CEP192: variants seen among roughly 807,000 people sequenced by gnomAD.
CEP192 encodes centrosomal protein of 192 kDa.
A neutral mutation model predicts 271.8 loss-of-function variants in CEP192; 151 were observed. The observed-to-expected ratio is 0.56, with a 90% CI of 0.49 to 0.64. CEP192 has a LOEUF of 0.64. Among genes scored for constraint, CEP192 ranks in the 30% least tolerant of loss-of-function variants. The pLI, the probability that CEP192 is intolerant of heterozygous loss-of-function variation, is 0.00. For missense variants in CEP192, 2,910 were observed against 3,020.5 expected (o/e 0.96, Z 0.86); for synonymous variants, 995 against 1,076.5 (o/e 0.92, Z 1.48).
intron 5 of CEP192, among the ~76,000 whole-genome samples, chr18:13,013,570 G>A (rs1423620690): frequency 6.6e-6 from 1 of 152,156 alleles, no homozygotes; most frequent in Non-Finnish European, 1.5e-5. Context: ...GGGTGGGTTG[G>A]GATGAGCCTG....
chr18:13,078,653 A>G (rs2038420998), intron 30 of CEP192, among the ~76,000 whole-genome samples: 1 of 151,878 alleles, frequency 6.6e-6, no homozygotes, highest in Non-Finnish European at 1.5e-5. Flanking sequence ...TTGTTGTTAT[A>G]CTTTAAGTTC....
At chr18:13,078,022 G>A (rs902202320) in intron 30 of CEP192, among the ~76,000 whole-genome samples, 1 of 152,120 alleles carries the variant, frequency 6.6e-6, no homozygotes, top group Non-Finnish European at 1.5e-5. Context: ...TGCCATGGTG[G>A]TTTGCTGCAC....
intron 21 of CEP192, among the ~76,000 whole-genome samples, chr18:13,065,805 G>T (rs1231031169): frequency 6.6e-6 from 1 of 152,162 alleles, no homozygotes; most frequent in Non-Finnish European, 1.5e-5. Context: ...ATGAGATTCT[G>T]CAACAAACTG....
rs1486076411 is a variant in CEP192 at position 12,991,451 on chromosome 18, C to G, written c.-5+14C>G. On this transcript the variant is annotated intron_variant, in intron 1 of 44. Coordinates refer to ENST00000506447, the MANE Select transcript of CEP192 (RefSeq NM_032142.4). Reference sequence around the variant, plus strand: ...GACGCGGGCTCGGTGAGGGGGGACGCTGGTGCCTCGGCCTGCGCCTAGGCG... The same window carrying G: ...GACGCGGGCTCGGTGAGGGGGGACGGTGGTGCCTCGGCCTGCGCCTAGGCG... The G allele has an allele frequency of 6.5e-6, 1 of 152,958 alleles. No homozygotes were observed. The highest frequency in any genetic ancestry group is 2.4e-5 in the African/African-American group (1 of 41,484). The allele number at this position is 152,958 out of a possible 1,614,324, so 9.5% of individuals were successfully genotyped here. A position where few individuals can be genotyped will look rare whatever the true frequency, so the allele number is the denominator to read the frequency against.
At chr18:13,110,846 A>G (rs550916114) in intron 40 of CEP192, among the ~76,000 whole-genome samples, 1 of 152,324 alleles carries the variant, frequency 6.6e-6, no homozygotes, top group South Asian at 2.1e-4. Context: ...CTGATTTCCA[A>G]GGGCAGGAGG....
At chr18:13,037,107 A>G (rs1227834063) in intron 11 of CEP192, 130 bp from the exon 12 acceptor site, 1 of 580,518 alleles carries the variant, frequency 1.7e-6, no homozygotes, top group Non-Finnish European at 3.1e-6. Flanking sequence ...TGCATGAGTC[A>G]TGAGTGCAAG....
intron 30 of CEP192, among the ~76,000 whole-genome samples, chr18:13,082,380 A>G (rs1326688940): frequency 5.0e-5 from 6 of 120,864 alleles, no homozygotes; most frequent in Non-Finnish European, 8.7e-5. Flanking sequence ...GTCTCTTTTG[A>G]TCTTTGTTCG....
At position 13,056,251 on chromosome 18, in the gene CEP192, T is replaced by C; in HGVS notation, c.3661T>C (p.Ser1221Pro). 2 of 1,613,788 alleles carry C rather than the reference T, an allele frequency of 1.2e-6. No homozygotes were observed. The highest frequency in any genetic ancestry group is 1.7e-6 in the Non-Finnish European group (2 of 1,179,774). Residue 1221 changes from serine to proline, a missense_variant, in exon 19 of 45, where the codon TCT (serine) becomes CCT (proline). Physicochemically the swap from Ser to Pro is moderately conservative, Grantham distance 74. Coordinates refer to ENST00000506447, the MANE Select transcript of CEP192 (RefSeq NM_032142.4). Reference sequence around the variant, plus strand: ...TGGCCAGGTTTCTCATCAGACCACCTCTGAAAACCAGTGTACTCCTATTCC... The same window carrying C: ...TGGCCAGGTTTCTCATCAGACCACCCCTGAAAACCAGTGTACTCCTATTCC... The part of the protein sequence containing the change: ...FSGQVSHQTT[S>P]ENQCTPIPSS...
chr18:13,009,014 GTTTTT>G (rs10586819), intron 4 of CEP192, among the ~76,000 whole-genome samples: 1 of 120,430 alleles, frequency 8.3e-6, no homozygotes, highest in Admixed American at 8.2e-5. Flanking sequence ...TGGCCTTTTT[GTTTTT>G]TTTTTTTTTT....
intron 30 of CEP192, among the ~76,000 whole-genome samples, chr18:13,075,302 CT>C (rs201458556): frequency 0.14 from 20,789 of 152,064 alleles, 1,567 homozygotes; most frequent in East Asian, 0.31. Flanking sequence ...TGCGGTGGCT[CT>C]ATGCCTGTAA....
intron 1 of CEP192, among the ~76,000 whole-genome samples, chr18:12,994,489 CAT>C (rs1456069571): frequency 1.3e-5 from 2 of 151,854 alleles, no homozygotes; most frequent in Non-Finnish European, 2.9e-5. Flanking sequence ...GCACTTGATT[CAT>C]AGTTAATGGT....
At chr18:13,095,742 T>C in intron 35 of CEP192, 61 bp downstream of exon 35, 1 of 1,440,204 alleles carries the variant, frequency 6.9e-7, no homozygotes, top group Non-Finnish European at 9.6e-7. Flanking sequence ...TGCACTCCCA[T>C]TGTGCCCATG....
At chr18:13,100,993 T>TA (rs1295895871) in intron 38 of CEP192, among the ~76,000 whole-genome samples, 2 of 152,096 alleles carry the variant, frequency 1.3e-5, no homozygotes, top group Non-Finnish European at 1.5e-5. Context: ...GACCCTGACT[T>TA]ACGGTGGCTT....
chr18:13,038,306 A>G lies in CEP192; in HGVS notation c.1600-64A>G, dbSNP rs138899585. The G allele has an allele frequency of 2.4e-3, 3,144 of 1,309,910 alleles. 66 individuals carry two copies. In the East Asian group the frequency reaches 0.046, roughly 19 times the overall value. 81.1% of individuals were successfully genotyped at this position (1,309,910 alleles called of 1,614,324 possible). A position where few individuals can be genotyped will look rare whatever the true frequency, so the allele number is the denominator to read the frequency against. ...TTGGTAAGACTTTTTTAGTTTTTGT[A>G]TATTAGAACAACAGAAAAGTGACTT... On this transcript the variant is annotated intron_variant, in intron 12 of 44. Coordinates refer to ENST00000506447, the MANE Select transcript of CEP192 (RefSeq NM_032142.4).
chr18:13,025,833 A>G (rs960944107), intron 9 of CEP192, among the ~76,000 whole-genome samples: 5 of 152,184 alleles, frequency 3.3e-5, no homozygotes, highest in African/African-American at 1.2e-4. Context: ...CTATGTATAC[A>G]TACACGTAAG....
intron 3 of CEP192, among the ~76,000 whole-genome samples, chr18:13,003,611 G>T (rs957239319): frequency 6.6e-6 from 1 of 152,146 alleles, no homozygotes; most frequent in African/African-American, 2.4e-5. Flanking sequence ...GCACCAGGGA[G>T]GCTGGGGAGG....
At chr18:13,063,887 C>T (rs1402804765) in intron 21 of CEP192, among the ~76,000 whole-genome samples, 1 of 147,436 alleles carries the variant, frequency 6.8e-6, no homozygotes, top group Non-Finnish European at 1.5e-5. Context: ...GTGGCGTGAT[C>T]TCGGCTCACT....
At chr18:13,120,857 C>T (rs1416010080) in intron 44 of CEP192, among the ~76,000 whole-genome samples, 1 of 152,194 alleles carries the variant, frequency 6.6e-6, no homozygotes, top group Non-Finnish European at 1.5e-5. Context: ...GTATAAAGCA[C>T]TAATTCTGTG....
chr18:13,034,643 T>TA (rs1248570440), intron 11 of CEP192, among the ~76,000 whole-genome samples: 261 of 137,766 alleles, frequency 1.9e-3, no homozygotes, highest in Middle Eastern at 3.7e-3. Flanking sequence ...CTGTCTCTAC[T>TA]AAAAAAAAAA....
Sources: allele counts gnomAD v4.1 joint callset (sites outside exome capture counted in the v4.1 genomes callset), GRCh38; gene constraint gnomAD v4.1.1; transcripts MANE v1.5; gene names NCBI Gene and HGNC (gene_info 2026-07-23, HGNC 2026-07-21).